The following DCAF7 variants were observed in gnomAD, a reference collection of about 807,000 sequenced individuals.
DCAF7 encodes DDB1- and CUL4-associated factor 7.
In DCAF7, 4 loss-of-function variants were observed where a neutral mutation model predicts 41.2. That is an observed-to-expected ratio of 0.10 (90% CI 0.05 to 0.22). The LOEUF is 0.22. DCAF7 is among the 10% of genes least tolerant of loss of function. The pLI, the probability that DCAF7 is intolerant of heterozygous loss-of-function variation, is 1.00. For missense variants in DCAF7, 131 were observed against 443.2 expected (o/e 0.30, Z 6.32); for synonymous variants, 143 against 164.2 (o/e 0.87, Z 0.99).
intron 1 of DCAF7, among the ~76,000 whole-genome samples, chr17:63,567,191 A>G (rs1042311156): frequency 6.6e-6 from 1 of 152,192 alleles, no homozygotes; most frequent in African/African-American, 2.4e-5. Flanking sequence ...TAGCATCAGT[A>G]AGGATTTTTG....
At chr17:63,585,714 C>A (rs1004888747) in intron 6 of DCAF7, among the ~76,000 whole-genome samples, 6 of 152,298 alleles carry the variant, frequency 3.9e-5, no homozygotes, top group African/African-American at 1.4e-4. Flanking sequence ...TTTCAGGTTT[C>A]ACTATAACAA....
At chr17:63,564,123 GA>G (rs1328139655) in intron 1 of DCAF7, among the ~76,000 whole-genome samples, 2 of 132,320 alleles carry the variant, frequency 1.5e-5, no homozygotes, top group Non-Finnish European at 3.5e-5. Context: ...GACATAGAGG[GA>G]TGTTAACTTT....
Position 63,559,412 on chromosome 17 carries a change from TATATATAC to T in DCAF7, c.138+8598_138+8605del, listed in dbSNP as rs1323469816. 7.9e-3 allele frequency among the ~76,000 whole-genome samples: 769 copies of T among 97,512 alleles called. 19 individuals are homozygous for T. Among genetic ancestry groups the T allele is most frequent in the African/African-American group, 0.036 (515 of 14,422 alleles). The allele number at this position is 97,512 out of a possible 152,430, so 64.0% of individuals were successfully genotyped here. A position where few individuals can be genotyped will look rare whatever the true frequency, so the allele number is the denominator to read the frequency against. On this transcript the variant is annotated intron_variant, in intron 1 of 6. Coordinates refer to ENST00000614556, the MANE Select transcript of DCAF7 (RefSeq NM_005828.5). ...GTATATATATATGTATATATATGTA[TATATATAC>T]GTATATATATATGTGTGTGTATATA...
rs768436828 is a variant in DCAF7, at chr17:63,589,045, G to A, written c.902G>A (p.Arg301Gln). 1.9e-6 allele frequency: 3 copies of A among 1,613,706 alleles called. No homozygotes were observed. Among genetic ancestry groups the A allele is most frequent in the South Asian group, 1.1e-5 (1 of 91,044 alleles). ...ATCTGGGACATCCAGCAAATGCCCC[G>A]AGCCATTGAGGACCCTATCCTGGCC... ...ALIWDIQQMP[R>Q]AIEDPILAYT... Residue 301 changes from arginine to glutamine, a missense_variant, in exon 7 of 7, where the codon CGA (arginine) becomes CAA (glutamine). By Grantham distance (43) the Arg-to-Gln change is conservative. Coordinates refer to ENST00000614556, the MANE Select transcript of DCAF7 (RefSeq NM_005828.5).
At chr17:63,558,191 A>AATGT (rs1280292923) in intron 1 of DCAF7, among the ~76,000 whole-genome samples, 1 of 152,096 alleles carries the variant, frequency 6.6e-6, no homozygotes. Flanking sequence ...AGAGCCTGGC[A>AATGT]TCCCTAGGAA....
At chr17:63,583,374 T>C (rs1404091423) in intron 4 of DCAF7, 128 bp from the exon 5 acceptor site, 1 of 814,154 alleles carries the variant, frequency 1.2e-6, no homozygotes, top group Non-Finnish European at 2.1e-6. Context: ...CAGACACTGT[T>C]TGGGCTTCAT....
At chr17:63,552,223 G>C (rs1256392567) in intron 1 of DCAF7, 1 of 152,194 alleles carries the variant, frequency 6.6e-6, no homozygotes, top group Non-Finnish European at 1.5e-5. Flanking sequence ...GTACGGAAGG[G>C]GTTCTGGTTT....
In DCAF7 at chr17:63,559,439, G is replaced by GTGTA. The variant is rs1555680864; in HGVS notation, c.138+8625_138+8626insGTAT. Among the ~76,000 whole-genome samples the GTGTA allele has an allele frequency of 7.2e-4, 88 of 122,178 alleles. 2 individuals carry two copies. Among genetic ancestry groups the GTGTA allele is most frequent in the Non-Finnish European group, 1.1e-3 (67 of 61,168 alleles). 80.2% of individuals were successfully genotyped at this position (122,178 alleles called of 152,430 possible). A position where few individuals can be genotyped will look rare whatever the true frequency, so the allele number is the denominator to read the frequency against. On this transcript the variant is annotated intron_variant, in intron 1 of 6. Coordinates refer to ENST00000614556, the MANE Select transcript of DCAF7 (RefSeq NM_005828.5). ...TATATACGTATATATATATGTGTGT[G>GTGTA]TATATATATATATATATATTTTTAA...
chr17:63,572,420 A>C (rs1164036801), intron 1 of DCAF7, among the ~76,000 whole-genome samples: 1 of 152,176 alleles, frequency 6.6e-6, no homozygotes, highest in African/African-American at 2.4e-5. Flanking sequence ...AAGGAAAGGG[A>C]TGGGAAGCAG....
chr17:63,590,785 C>T lies in DCAF7; in HGVS notation c.*1613C>T, dbSNP rs556523657. 86 of 152,338 alleles carry T rather than the reference C, an allele frequency of 5.6e-4. No homozygotes were observed. The highest frequency in any genetic ancestry group is 2.0e-3 in the African/African-American group (83 of 41,550). 9.4% of individuals were successfully genotyped at this position (152,338 alleles called of 1,614,324 possible). Reference sequence around the variant, plus strand: ...TGGTTTTGTCCTCTTTGGTTCTCACCTGCTTGAGAAGTAAAACAGTAACTT... The same window carrying T: ...TGGTTTTGTCCTCTTTGGTTCTCACTTGCTTGAGAAGTAAAACAGTAACTT... On this transcript the variant is annotated 3_prime_UTR_variant, in exon 7 of 7. Coordinates refer to ENST00000614556, the MANE Select transcript of DCAF7 (RefSeq NM_005828.5).
Position 63,585,285 on chromosome 17 carries a change from C to T in DCAF7, c.813C>T (p.Gly271=), listed in dbSNP as rs1255182980. ...ACAACCATCGAGCATGTGTCAATGGCATTGCTTGGGCCCCACATTCATCCT... is the reference window on the plus strand; with the variant it reads ...ACAACCATCGAGCATGTGTCAATGGTATTGCTTGGGCCCCACATTCATCCT... ...RLNNHRACVN[G]IAWAPHSSCH... Residue 271 remains glycine (G), a synonymous_variant, in exon 6 of 7, where the codon GGC becomes GGT. Coordinates refer to ENST00000614556, the MANE Select transcript of DCAF7 (RefSeq NM_005828.5). 5 of 1,613,904 alleles carry T rather than the reference C, an allele frequency of 3.1e-6. No homozygotes were observed. The highest frequency in any genetic ancestry group is 3.4e-6 in the Non-Finnish European group (4 of 1,179,904).
chr17:63,586,172 G>A (rs1240854249), intron 6 of DCAF7, among the ~76,000 whole-genome samples: 1 of 151,530 alleles, frequency 6.6e-6, no homozygotes, highest in African/African-American at 2.4e-5. Flanking sequence ...AATATGTTGG[G>A]CCAGGCACAG....
chr17:63,555,930 G>A (rs534977967), intron 1 of DCAF7, among the ~76,000 whole-genome samples: 22 of 152,250 alleles, frequency 1.4e-4, no homozygotes, highest in African/African-American at 4.3e-4. Flanking sequence ...CAAAGCTCTC[G>A]CTGCCAGAGC....
Position 63,593,132 on chromosome 17 carries a change from CTT to C in DCAF7, c.*3963_*3964del, listed in dbSNP as rs894362877. The C allele has an allele frequency of 1.3e-5, 2 of 152,626 alleles. No homozygotes were observed. The highest frequency in any genetic ancestry group is 4.8e-5 in the African/African-American group (2 of 41,456). 9.5% of individuals were successfully genotyped at this position (152,626 alleles called of 1,614,324 possible). On this transcript the variant is annotated 3_prime_UTR_variant, in exon 7 of 7. Coordinates refer to ENST00000614556, the MANE Select transcript of DCAF7 (RefSeq NM_005828.5). ...ATTGAAGTAGAAGCCTCAAAGCAGA[CTT>C]TTCCCTTTACTGTGTGTACTCCAGG...
rs2033237769 is a variant in DCAF7, at chr17:63,550,591, C to G, written c.-87C>G. Reference sequence around the variant, plus strand: ...GTTCCTGCCCGCCCCCTCCTCTCCTCCCTTCGGACCCATAGATCTCAGGCT... The same window carrying G: ...GTTCCTGCCCGCCCCCTCCTCTCCTGCCTTCGGACCCATAGATCTCAGGCT... On this transcript the variant is annotated 5_prime_UTR_variant, in exon 1 of 7. Coordinates refer to ENST00000614556, the MANE Select transcript of DCAF7 (RefSeq NM_005828.5). The surrounding 1 kb of genome is among the most constrained non-coding windows in gnomAD (Gnocchi z 4.8). 2.6e-6 allele frequency: 4 copies of G among 1,558,308 alleles called. No individual in the cohort carries two copies. The highest frequency in any genetic ancestry group is 3.5e-6 in the Non-Finnish European group (4 of 1,150,138).
intron 6 of DCAF7, among the ~76,000 whole-genome samples, chr17:63,585,716 C>T (rs1311527037): frequency 6.6e-6 from 1 of 152,200 alleles, no homozygotes; most frequent in Non-Finnish European, 1.5e-5. Flanking sequence ...TCAGGTTTCA[C>T]TATAACAAAC....
At chr17:63,581,571 C>T (rs1313033215) in intron 4 of DCAF7, among the ~76,000 whole-genome samples, 3 of 152,184 alleles carry the variant, frequency 2.0e-5, no homozygotes, top group African/African-American at 7.2e-5. Flanking sequence ...CATCCATTTT[C>T]CCACCAAAGC....
intron 6 of DCAF7, among the ~76,000 whole-genome samples, chr17:63,587,984 T>TAA (rs750564406): frequency 1.0e-4 from 12 of 117,156 alleles, no homozygotes; most frequent in East Asian, 2.4e-4. Flanking sequence ...AGACTCCATT[T>TAA]AAAAAAAAAA....
intron 1 of DCAF7, among the ~76,000 whole-genome samples, chr17:63,570,202 C>G (rs1413847279): frequency 6.6e-6 from 1 of 152,042 alleles, no homozygotes; most frequent in Non-Finnish European, 1.5e-5. Flanking sequence ...ACCTCTAATC[C>G]CAGCACTTTG....
Sources: allele counts gnomAD v4.1 joint callset (sites outside exome capture counted in the v4.1 genomes callset), GRCh38; gene constraint gnomAD v4.1.1; non-coding constraint Gnocchi (gnomAD v3.1); transcripts MANE v1.5; gene names NCBI Gene and HGNC (gene_info 2026-07-23, HGNC 2026-07-21).